The following ZNF341 variants were observed in gnomAD, a reference collection of about 807,000 sequenced individuals.
The protein encoded by ZNF341 is zinc finger protein 341.
A neutral mutation model predicts 87.7 loss-of-function variants in ZNF341; 52 were observed. The observed-to-expected ratio is 0.59, with a 90% CI of 0.47 to 0.75. The LOEUF (loss-of-function observed/expected upper bound fraction) is 0.75, where lower values mean the gene tolerates loss of function less well. ZNF341 is among the 30% of genes least tolerant of loss of function. ZNF341 has a pLI of 0.00. For missense variants in ZNF341, 977 were observed against 1,145.9 expected, an observed-to-expected ratio of 0.85 and a Z score of 2.13; for synonymous variants, 459 against 472.7, an observed-to-expected ratio of 0.97 and a Z score of 0.38.
At position 33,791,759 on chromosome 20, in the gene ZNF341, A is replaced by G; in HGVS notation, c.*242A>G. On this transcript the variant is annotated 3_prime_UTR_variant, in exon 15 of 15. Transcript: ENST00000375200. The stretch of plus-strand genomic sequence containing the variant: ...CCATCCACGGTTTCTGGGCAGAGCC[A>G]TGGTGGCAGGAGAGAGATGGCTGAA... 2.1e-6 allele frequency: 1 copy of G among 471,872 alleles called. No homozygotes were observed. The highest frequency in any genetic ancestry group is 3.7e-6 in the Non-Finnish European group (1 of 268,316). The allele number at this position is 471,872 out of a possible 1,614,324, so 29.2% of individuals were successfully genotyped here.
intron 2 of ZNF341, among the ~76,000 whole-genome samples, chr20:33,743,838 A>G (rs73263563): frequency 0.024 from 3,708 of 152,292 alleles, 155 homozygotes; most frequent in African/African-American, 0.084. Context: ...GTCCATTGAG[A>G]ACCTCCTCTG....
At position 33,753,247 on chromosome 20, in the gene ZNF341, C is replaced by T. The variant is rs1375466909; in HGVS notation, c.565C>T (p.Pro189Ser). ...TCCTCCTCCACCTCCTCCACCACTGCCCCCACCGCCACCACCTCAGCCTCC... is the reference window on the plus strand; with the variant it reads ...TCCTCCTCCACCTCCTCCACCACTGTCCCCACCGCCACCACCTCAGCCTCC... ...PPPPPPPPPL[P>S]PPPPPQPPPP... The change falls in exon 5 of 15, where the codon CCC becomes TCC. Residue 189 changes from proline to serine, a missense_variant. Coordinates refer to ENST00000375200, the MANE Select transcript of ZNF341 (RefSeq NM_001282933.2). The T allele has an allele frequency of 5.0e-6, 8 of 1,611,720 alleles. No homozygotes were observed. The highest frequency in any genetic ancestry group is 6.8e-6 in the Non-Finnish European group (8 of 1,179,872).
At chr20:33,744,257 T>C (rs999850792) in intron 2 of ZNF341, among the ~76,000 whole-genome samples, 18 of 147,158 alleles carry the variant, frequency 1.2e-4, no homozygotes, top group Non-Finnish European at 1.5e-4. Context: ...CACCCCAGCC[T>C]GGGCAGCAAG....
intron 9 of ZNF341, among the ~76,000 whole-genome samples, chr20:33,768,770 G>C (rs1026978412): frequency 1.8e-4 from 27 of 152,002 alleles, no homozygotes; most frequent in Admixed American, 1.8e-3. Flanking sequence ...AGCAAATCAG[G>C]GTTCACTTTT....
In ZNF341 at chr20:33,747,636, AAAAAAAC is replaced by A. The variant is rs1261794755; in HGVS notation, c.340-1285_340-1279del. Among the ~76,000 whole-genome samples the A allele has an allele frequency of 3.0e-5, 4 of 132,660 alleles. 1 individual carries two copies. In the East Asian group the frequency reaches 5.9e-4, roughly 19 times the overall value. The allele number at this position is 132,660 out of a possible 152,430, so 87.0% of individuals were successfully genotyped here. A position where few individuals can be genotyped will look rare whatever the true frequency, so the allele number is the denominator to read the frequency against. On this transcript the variant is annotated intron_variant, in intron 3 of 14. Transcript: ENST00000375200. The stretch of plus-strand genomic sequence containing the variant: ...TCTCAAAAAAAAAAAAAAAAAAAAA[AAAAAAAC>A]ACAGTCATTTTTCTCACTGCTTGAC...
At chr20:33,779,322 G>GA (rs973772422) in intron 10 of ZNF341, among the ~76,000 whole-genome samples, 1 of 152,026 alleles carries the variant, frequency 6.6e-6, no homozygotes, top group African/African-American at 2.4e-5. Flanking sequence ...CCATTCATGA[G>GA]AAATCCACCC....
chr20:33,746,898 G>A (rs1387310090), intron 3 of ZNF341, among the ~76,000 whole-genome samples: 2 of 152,258 alleles, frequency 1.3e-5, no homozygotes, highest in East Asian at 3.9e-4. Context: ...TGAGGAGAAG[G>A]TTTTGGGGGG....
intron 8 of ZNF341, among the ~76,000 whole-genome samples, chr20:33,764,596 G>T (rs2019367866): frequency 3.4e-5 from 2 of 59,390 alleles, no homozygotes; most frequent in African/African-American, 1.4e-4. Context: ...TTTTTGAGAT[G>T]GAGTCTTGCT....
At position 33,741,025 on chromosome 20, in the gene ZNF341, T is replaced by A; in HGVS notation, c.142+13T>A. The stretch of plus-strand genomic sequence containing the variant: ...ATCCAGCCATTGGGTGAGTATCTGC[T>A]CAGGTTCACCGGTGGGAGAGTGAAT... On this transcript the variant is annotated intron_variant, in intron 2 of 14. Transcript: ENST00000375200. 6.2e-7 allele frequency: 1 copy of A among 1,611,632 alleles called. No homozygotes were observed. Among genetic ancestry groups the A allele is most frequent in the Non-Finnish European group, 8.5e-7 (1 of 1,177,816 alleles).
intron 5 of ZNF341, among the ~76,000 whole-genome samples, chr20:33,755,222 G>A (rs2019152986): frequency 6.6e-6 from 1 of 152,242 alleles, no homozygotes; most frequent in African/African-American, 2.4e-5. Context: ...TGGGATTACA[G>A]GCATGAGCCA....
chr20:33,770,062 C>T (rs762541031), intron 9 of ZNF341, 22 bp from the exon 10 acceptor site: 2 of 1,596,420 alleles, frequency 1.3e-6, no homozygotes, highest in African/African-American at 1.3e-5. Flanking sequence ...CTCCTGTCAC[C>T]TGCCCAGCGT....
rs558124020 is a variant in ZNF341, at chr20:33,743,112, A to G, written c.143-1991A>G. ...AATGGCATGATCTTGGCTTACTGCT[A>G]CCTCTGTCTCCTGGGTTCAAGTGAT... On this transcript the variant is annotated intron_variant, in intron 2 of 14. Transcript: ENST00000375200. Among the ~76,000 whole-genome samples, 5 of 142,514 alleles carry G rather than the reference A, an allele frequency of 3.5e-5. No individual in the cohort carries two copies. In the South Asian group the frequency reaches 1.1e-3, roughly 31 times the overall value. 93.5% of individuals were successfully genotyped at this position (142,514 alleles called of 152,430 possible).
At chr20:33,777,994 T>C (rs1471581606) in intron 10 of ZNF341, among the ~76,000 whole-genome samples, 1 of 152,198 alleles carries the variant, frequency 6.6e-6, no homozygotes. Context: ...TCACAACAAA[T>C]ACTGTGTCCT....
rs759758647 is a variant in ZNF341 at position 33,783,797 on chromosome 20, G to A, written c.1785G>A (p.Lys595=). ...LPTHGSGGRF[K]CQVCKKFFRR... ...CCCACGGCAGCGGGGGCAGGTTCAA[G>A]TGCCAAGTGTGCAAGAAGTTCTTCC... Residue 595 remains lysine (K), a synonymous_variant, in exon 12 of 15, where the codon AAG becomes AAA. Coordinates refer to ENST00000375200, the MANE Select transcript of ZNF341 (RefSeq NM_001282933.2). The A allele has an allele frequency of 1.9e-6, 3 of 1,613,794 alleles. No homozygotes were observed. The highest frequency in any genetic ancestry group is 2.2e-5 in the South Asian group (2 of 91,074).
intron 7 of ZNF341, among the ~76,000 whole-genome samples, chr20:33,760,058 G>A (rs928961527): frequency 1.3e-5 from 2 of 152,208 alleles, no homozygotes; most frequent in African/African-American, 2.4e-5. Flanking sequence ...GTTGAGAACT[G>A]GTCTACACAA....
At position 33,732,019 on chromosome 20, in the gene ZNF341, A is replaced by C; in HGVS notation, c.-3A>C. On this transcript the variant is annotated 5_prime_UTR_variant, in exon 1 of 15. Coordinates refer to ENST00000375200, the MANE Select transcript of ZNF341 (RefSeq NM_001282933.2). This position sits in a 1 kb window ranked among gnomAD's most constrained non-coding sequence, Gnocchi z 4.5. ...CTGTGGCGGCGACGGCGGCGGCTCC[A>C]AGATGGCGCAGGCGATCTTTGAGGC... 1.4e-6 allele frequency: 2 copies of C among 1,422,364 alleles called. No homozygotes were observed. The highest frequency in any genetic ancestry group is 1.8e-6 in the Non-Finnish European group (2 of 1,082,832). 88.1% of individuals were successfully genotyped at this position (1,422,364 alleles called of 1,614,324 possible).
chr20:33,760,334 C>T (rs1259267768), intron 7 of ZNF341, among the ~76,000 whole-genome samples: 1 of 152,026 alleles, frequency 6.6e-6, no homozygotes, highest in Non-Finnish European at 1.5e-5. Context: ...ACCCAGGAGG[C>T]AGAGGTTGCA....
chr20:33,776,547 T>TG (rs1317396547), intron 10 of ZNF341, among the ~76,000 whole-genome samples: 2 of 152,138 alleles, frequency 1.3e-5, no homozygotes, highest in Admixed American at 6.6e-5. Flanking sequence ...CCACCAGGCC[T>TG]GGCTAATTTT....
chr20:33,741,035 C>A, intron 2 of ZNF341, 23 bp downstream of exon 2: 2 of 1,606,440 alleles, frequency 1.2e-6, no homozygotes, highest in South Asian at 2.2e-5. Flanking sequence ...TCAGGTTCAC[C>A]GGTGGGAGAG....
Sources: allele counts gnomAD v4.1 joint callset (sites outside exome capture counted in the v4.1 genomes callset), GRCh38; gene constraint gnomAD v4.1.1; non-coding constraint Gnocchi (gnomAD v3.1); transcripts MANE v1.5; gene names NCBI Gene and HGNC (gene_info 2026-07-23, HGNC 2026-07-21).